EDAR: variants seen among roughly 807,000 people sequenced by gnomAD.
EDAR encodes ectodysplasin A receptor.
In EDAR, 38 loss-of-function variants were observed where a neutral mutation model predicts 51.3. The observed-to-expected ratio is 0.74, with a 90% CI of 0.57 to 0.97. The LOEUF (loss-of-function observed/expected upper bound fraction) is 0.97. EDAR is among the 50% of genes least tolerant of loss of function. The pLI is 0.00. For synonymous variants in EDAR, 227 were observed against 242.1 expected (o/e 0.94, Z 0.58); for missense variants, 528 against 595.0 (o/e 0.89, Z 1.17).
intron 1 of EDAR, among the ~76,000 whole-genome samples, chr2:108,979,795 G>A (rs991303382): frequency 8.5e-5 from 13 of 152,182 alleles, no homozygotes; most frequent in African/African-American, 3.1e-4. Flanking sequence ...CTTGAATAGA[G>A]TTTCTTCACT....
At chr2:108,936,276 T>C (rs1223972083) in intron 1 of EDAR, among the ~76,000 whole-genome samples, 2 of 152,240 alleles carry the variant, frequency 1.3e-5, no homozygotes, top group Non-Finnish European at 2.9e-5. Context: ...GTAGGACGGA[T>C]GTCCCTTTTG....
intron 9 of EDAR, among the ~76,000 whole-genome samples, chr2:108,909,256 G>A (rs1696868902): frequency 6.6e-6 from 1 of 152,192 alleles, no homozygotes; most frequent in Non-Finnish European, 1.5e-5. Flanking sequence ...AGAAGGGAGA[G>A]GCTGAGACAG....
At chr2:108,964,486 C>T (rs964015638) in intron 1 of EDAR, among the ~76,000 whole-genome samples, 8 of 152,276 alleles carry the variant, frequency 5.3e-5, no homozygotes, top group Admixed American at 2.0e-4. Context: ...AGTCCCTACT[C>T]TAAGAGGAAA....
At chr2:108,922,687 G>T (rs1233595388) in intron 5 of EDAR, among the ~76,000 whole-genome samples, 2 of 152,014 alleles carry the variant, frequency 1.3e-5, no homozygotes, top group African/African-American at 4.8e-5. Context: ...CCAGAGGGTG[G>T]CAAGTGCTCC....
intron 5 of EDAR, among the ~76,000 whole-genome samples, chr2:108,913,578 T>C (rs1696970433): frequency 6.6e-6 from 1 of 151,824 alleles, no homozygotes; most frequent in Non-Finnish European, 1.5e-5. Flanking sequence ...TTTGGGATTG[T>C]TGTTCAGCAT....
chr2:108,929,146 G>T (rs548279576), intron 4 of EDAR, 52 bp downstream of exon 4: 3 of 1,607,000 alleles, frequency 1.9e-6, no homozygotes, highest in African/African-American at 1.3e-5. Context: ...GTAGCCCCTC[G>T]GGGTTTTCTG....
At chr2:108,943,135 G>A (rs17034630) in intron 1 of EDAR, among the ~76,000 whole-genome samples, 2,554 of 152,252 alleles carry the variant, frequency 0.017, 62 homozygotes, top group African/African-American at 0.056. Flanking sequence ...GATCCTTCCT[G>A]TCAAACTCAG....
chr2:108,927,147 CT>C (rs1697272033), intron 4 of EDAR, among the ~76,000 whole-genome samples: 2 of 152,202 alleles, frequency 1.3e-5, no homozygotes, highest in Non-Finnish European at 2.9e-5. Context: ...GTCTGCACCC[CT>C]GCGGAGCAGT....
chr2:108,948,587 G>A (rs911223705), intron 1 of EDAR, among the ~76,000 whole-genome samples: 1 of 152,182 alleles, frequency 6.6e-6, no homozygotes, highest in African/African-American at 2.4e-5. Context: ...AAGGCAAAGG[G>A]GAAGCAAGGC....
chr2:108,945,774 G>A (rs767070931), intron 1 of EDAR, among the ~76,000 whole-genome samples: 2 of 152,168 alleles, frequency 1.3e-5, no homozygotes, highest in Non-Finnish European at 2.9e-5. Context: ...CATGAACCTT[G>A]AGGACATTTT....
At chr2:108,946,795 A>G (rs986966732) in intron 1 of EDAR, among the ~76,000 whole-genome samples, 12 of 152,098 alleles carry the variant, frequency 7.9e-5, no homozygotes, top group Admixed American at 3.9e-4. Flanking sequence ...ACCTCCCACC[A>G]TGTTTCTCCC....
At chr2:108,919,189 G>A (rs1030324675) in intron 5 of EDAR, among the ~76,000 whole-genome samples, 11 of 152,168 alleles carry the variant, frequency 7.2e-5, no homozygotes, top group Non-Finnish European at 1.3e-4. Context: ...TTAGTGTCAC[G>A]GAAGAGCATC....
intron 1 of EDAR, among the ~76,000 whole-genome samples, chr2:108,939,678 T>C (rs966869686): frequency 6.6e-6 from 1 of 152,224 alleles, no homozygotes; most frequent in Non-Finnish European, 1.5e-5. Context: ...CAGCAATAGA[T>C]GAATGAGTTA....
intron 1 of EDAR, among the ~76,000 whole-genome samples, chr2:108,985,602 T>A (rs1480092634): frequency 6.6e-6 from 1 of 152,168 alleles, no homozygotes; most frequent in Non-Finnish European, 1.5e-5. Context: ...GGCAAGAGGA[T>A]CTGGGCAAGG....
chr2:108,930,920 T>C (rs1204045855), intron 2 of EDAR, 44 bp downstream of exon 2: 4 of 1,606,480 alleles, frequency 2.5e-6, no homozygotes, highest in Middle Eastern at 1.7e-4. Context: ...CCAACCATCA[T>C]GAGGATGAGG....
intron 2 of EDAR, among the ~76,000 whole-genome samples, chr2:108,930,632 T>A (rs1227057320): frequency 2.0e-5 from 3 of 151,880 alleles, no homozygotes; most frequent in Non-Finnish European, 4.4e-5. Context: ...GGGGTAGGGG[T>A]CTGAGTCTTC....
chr2:108,935,441 G>A (rs1160864532), intron 1 of EDAR, among the ~76,000 whole-genome samples: 1 of 152,188 alleles, frequency 6.6e-6, no homozygotes, highest in Non-Finnish European at 1.5e-5. Flanking sequence ...AGATCTGCAG[G>A]TGGTCTGTGT....
intron 1 of EDAR, among the ~76,000 whole-genome samples, chr2:108,978,142 C>T (rs1239980799): frequency 6.6e-5 from 10 of 152,212 alleles, no homozygotes; most frequent in Non-Finnish European, 1.3e-4. Context: ...ACACAGGTCC[C>T]GCCCCTGTAA....
intron 4 of EDAR, among the ~76,000 whole-genome samples, chr2:108,924,836 T>A (rs1326853358): frequency 6.6e-6 from 1 of 152,248 alleles, no homozygotes. Context: ...GCCACTTCTT[T>A]CTATGAGGCA....
Sources: gnomAD v4.1 joint callset for allele counts (sites outside exome capture counted in the v4.1 genomes callset) on GRCh38, gnomAD v4.1.1 for gene constraint, MANE v1.5 for transcripts, NCBI Gene and HGNC (gene_info 2026-07-23, HGNC 2026-07-21) for gene names.